Variants in GRID2 observed in about 807,000 individuals in gnomAD.
GRID2 encodes the protein glutamate receptor ionotropic, delta-2.
A neutral mutation model predicts 114.8 loss-of-function variants in GRID2; 33 were observed. The observed-to-expected ratio is 0.29, with a 90% confidence interval of 0.22 to 0.38. GRID2 has a LOEUF of 0.38. Among genes scored for constraint, GRID2 ranks in the 10% least tolerant of loss-of-function variants. GRID2 has a pLI of 1.00. For synonymous variants in GRID2, 505 were observed against 449.9 expected, an observed-to-expected ratio of 1.12 and a Z score of -1.55; for missense variants, 1,184 against 1,257.7, an observed-to-expected ratio of 0.94 and a Z score of 0.89.
chr4:93,490,447 T>A (rs569463449), intron 11 of GRID2, among the ~76,000 whole-genome samples, 192 bp from the exon 12 acceptor site: 1 of 151,956 alleles, frequency 6.6e-6, no homozygotes, highest in Admixed American at 6.6e-5. Context: ...TCATGCTTCT[T>A]TTGGCTGGGT....
rs141625237 is a variant in GRID2, at chr4:93,392,055, T to A, written c.1246-3552T>A. 9.2e-5 allele frequency among the ~76,000 whole-genome samples: 14 copies of A among 152,268 alleles called. No individual in the cohort carries two copies. The East Asian group carries it at 2.7e-3, about 29-fold the overall frequency. On this transcript the variant is annotated intron_variant, in intron 8 of 15. Coordinates refer to ENST00000282020, the MANE Select transcript of GRID2 (RefSeq NM_001510.4). ...TTTACTTTTTTTATCCCGTCTAAAT[T>A]TTCTTCAGATTGCCAGACCACTGAA...
In GRID2 at chr4:93,244,496, TTAA is replaced by T. The variant is rs1157374245; in HGVS notation, c.1245+6009_1245+6011del. Reference sequence around the variant, plus strand: ...GATATTATATTATATAATCTATTAATTAATAGATTATATAATCTATTAATTAAT... The same window carrying T: ...GATATTATATTATATAATCTATTAATTAGATTATATAATCTATTAATTAAT... On this transcript the variant is annotated intron_variant, in intron 8 of 15. Transcript: ENST00000282020. Among the ~76,000 whole-genome samples, 11 of 52,402 alleles carry T rather than the reference TTAA, an allele frequency of 2.1e-4. No individual in the cohort carries two copies. The Admixed American group carries it at 2.3e-3, about 11-fold the overall frequency. 34.4% of individuals were successfully genotyped at this position (52,402 alleles called of 152,430 possible).
At chr4:93,076,817 C>T (rs563316583) in intron 2 of GRID2, among the ~76,000 whole-genome samples, 1 of 152,000 alleles carries the variant, frequency 6.6e-6, no homozygotes, top group Admixed American at 6.6e-5. Flanking sequence ...GGGGTATCAC[C>T]ATGTTGGTCA....
At chr4:93,117,754 T>C (rs1193204624) in intron 4 of GRID2, among the ~76,000 whole-genome samples, 3 of 152,196 alleles carry the variant, frequency 2.0e-5, no homozygotes, top group Admixed American at 6.5e-5. Context: ...AAAGCTGTGA[T>C]GTGCATCACA....
At chr4:92,683,993 A>C in intron 2 of GRID2, among the ~76,000 whole-genome samples, 1 of 152,144 alleles carries the variant, frequency 6.6e-6, no homozygotes, top group Middle Eastern at 3.4e-3. Context: ...TTAGCCAAAA[A>C]TATTACCTCA....
chr4:92,492,890 A>G (rs1176496181), intron 1 of GRID2, among the ~76,000 whole-genome samples: 7 of 152,230 alleles, frequency 4.6e-5, no homozygotes, highest in African/African-American at 1.7e-4. Flanking sequence ...GCACTTTTGG[A>G]GGCCTAGGCG....
intron 8 of GRID2, among the ~76,000 whole-genome samples, chr4:93,301,650 A>G (rs1754880366): frequency 6.6e-6 from 1 of 152,318 alleles, no homozygotes; most frequent in South Asian, 2.1e-4. Flanking sequence ...TGGTTTATCA[A>G]AGTACCACAC....
intron 10 of GRID2, among the ~76,000 whole-genome samples, chr4:93,439,262 A>T (rs758130652): frequency 6.6e-6 from 1 of 152,082 alleles, no homozygotes; most frequent in Admixed American, 6.6e-5. Flanking sequence ...CGCCACACTG[A>T]CTTCCACATT....
rs556421517 is a variant in GRID2 at position 93,081,704 on chromosome 4, T to C, written c.245-3291T>C. ...AAGGCTTGAAATAATAATAAAGAAC[T>C]ATGCCATTGAGATGTCATAGGTTTA... On this transcript the variant is annotated intron_variant, in intron 2 of 15. Coordinates refer to ENST00000282020, the MANE Select transcript of GRID2 (RefSeq NM_001510.4). Among the ~76,000 whole-genome samples, 13 of 152,292 alleles carry C rather than the reference T, an allele frequency of 8.5e-5. No individual in the cohort carries two copies. The East Asian group carries it at 2.5e-3, about 29-fold the overall frequency.
intron 4 of GRID2, among the ~76,000 whole-genome samples, chr4:93,127,618 G>T (rs1317728211): frequency 6.6e-6 from 1 of 152,100 alleles, no homozygotes; most frequent in South Asian, 2.1e-4. Context: ...TCATTTTACA[G>T]CTGAGGAGAT....
intron 13 of GRID2, among the ~76,000 whole-genome samples, chr4:93,536,891 A>G (rs550248022): frequency 1.9e-4 from 29 of 151,782 alleles, no homozygotes; most frequent in African/African-American, 6.3e-4. Flanking sequence ...CCTTTAAAGG[A>G]TAGAAGTTTT....
Position 93,253,998 on chromosome 4 carries a change from CT to C in GRID2, c.1245+15511del, listed in dbSNP as rs980597224. 1.1e-4 allele frequency among the ~76,000 whole-genome samples: 17 copies of C among 152,084 alleles called. No individual in the cohort carries two copies. The South Asian group carries it at 2.1e-3, about 19-fold the overall frequency. ...GCATTTCTTCTAGAGTGTTAAATGTCTTTCTAGTAAATTCTCTATAGATTTA... is the reference window on the plus strand; with the variant it reads ...GCATTTCTTCTAGAGTGTTAAATGTCTTCTAGTAAATTCTCTATAGATTTA... On this transcript the variant is annotated intron_variant, in intron 8 of 15. Transcript: ENST00000282020.
chr4:93,222,266 G>A (rs1011465592), intron 6 of GRID2, among the ~76,000 whole-genome samples: 7 of 151,962 alleles, frequency 4.6e-5, no homozygotes, highest in Non-Finnish European at 8.8e-5. Flanking sequence ...TTTCAAAGAC[G>A]TATGCACTGT....
intron 2 of GRID2, among the ~76,000 whole-genome samples, chr4:93,065,163 G>A (rs1728192272): frequency 1.3e-5 from 2 of 151,746 alleles, no homozygotes; most frequent in Admixed American, 1.3e-4. Flanking sequence ...TTATTGGTGA[G>A]TAGAGAAAAA....
rs1032263219 is a variant in GRID2 at position 92,402,069 on chromosome 4, CT to C, written c.88+97334del. 3.3e-4 allele frequency among the ~76,000 whole-genome samples: 50 copies of C among 151,800 alleles called. 1 individual carries two copies. The highest frequency in any genetic ancestry group is 8.9e-4 in the African/African-American group (37 of 41,420). Reference sequence around the variant, plus strand: ...GAATTGTCTCTATCTCAAGAAACCACTTTTTTTTTCCTCATTCGTAAGAAGC... The same window carrying C: ...GAATTGTCTCTATCTCAAGAAACCACTTTTTTTTCCTCATTCGTAAGAAGC... On this transcript the variant is annotated intron_variant, in intron 1 of 15. Transcript: ENST00000282020.
In GRID2 at chr4:93,015,160, A is replaced by C. The variant is rs569196584; in HGVS notation, c.245-69835A>C. Among the ~76,000 whole-genome samples, 6 of 152,300 alleles carry C rather than the reference A, an allele frequency of 3.9e-5. No individual in the cohort carries two copies. The East Asian group carries it at 1.2e-3, about 29-fold the overall frequency. On this transcript the variant is annotated intron_variant, in intron 2 of 15. Transcript: ENST00000282020. Reference sequence around the variant, plus strand: ...ATACACATTGGTGCTTCATTCTGAAAAAAAGGTATTTTAACTTTTGGCAGC... The same window carrying C: ...ATACACATTGGTGCTTCATTCTGAACAAAAGGTATTTTAACTTTTGGCAGC...
intron 4 of GRID2, among the ~76,000 whole-genome samples, chr4:93,124,627 T>G (rs1579056390): frequency 6.6e-6 from 1 of 152,182 alleles, no homozygotes; most frequent in South Asian, 2.1e-4. Context: ...CCTTAAATAC[T>G]TACTGACAAA....
chr4:92,992,744 T>A (rs1754982225), intron 2 of GRID2, among the ~76,000 whole-genome samples: 1 of 152,196 alleles, frequency 6.6e-6, no homozygotes, highest in Non-Finnish European at 1.5e-5. Flanking sequence ...GCCTCTCCTC[T>A]ATATTTACCA....
Position 92,408,431 on chromosome 4 carries a change from CTTTTTTTTT to C in GRID2, c.88+103711_88+103719del, listed in dbSNP as rs35638036. 8.7e-4 allele frequency among the ~76,000 whole-genome samples: 17 copies of C among 19,430 alleles called. No individual in the cohort carries two copies. The East Asian group carries it at 0.037, about 42-fold the overall frequency. The allele number at this position is 19,430 out of a possible 152,430, so 12.7% of individuals were successfully genotyped here. ...TACAATTATATTGCCTATTCAAGCT[CTTTTTTTTT>C]TTTTTTTTTTTTTTTTTTTTTTTGC... On this transcript the variant is annotated intron_variant, in intron 1 of 15. Transcript: ENST00000282020.
Sources: gnomAD v4.1 joint callset for allele counts (sites outside exome capture counted in the v4.1 genomes callset) on GRCh38, gnomAD v4.1.1 for gene constraint, MANE v1.5 for transcripts, NCBI Gene and HGNC (gene_info 2026-07-23, HGNC 2026-07-21) for gene names.